GPC6: variants seen among roughly 807,000 people sequenced by gnomAD.
GPC6 encodes the protein glypican-6.
A neutral mutation model predicts 55.2 loss-of-function variants in GPC6; 14 were observed. The ratio of observed to expected loss-of-function variants is 0.25; its 90% CI spans 0.17 to 0.40. The LOEUF (loss-of-function observed/expected upper bound fraction) is 0.40. Ranked by LOEUF, GPC6 falls within the 10% of genes least tolerant of loss-of-function variation. The pLI is 1.00. For synonymous variants in GPC6, 278 were observed against 259.6 expected, an observed-to-expected ratio of 1.07 and a Z score of -0.68; for missense variants, 641 against 708.5, an observed-to-expected ratio of 0.90 and a Z score of 1.08.
At chr13:93,695,200 T>G (rs1053689491) in intron 2 of GPC6, among the ~76,000 whole-genome samples, 1 of 152,090 alleles carries the variant, frequency 6.6e-6, no homozygotes, top group Non-Finnish European at 1.5e-5. Context: ...GAGCCTCCAC[T>G]TTTTATTATA....
intron 8 of GPC6, among the ~76,000 whole-genome samples, chr13:94,401,927 A>ATGATTGATTGAT (rs60321246): frequency 6.7e-6 from 1 of 150,344 alleles, no homozygotes; most frequent in Non-Finnish European, 1.5e-5. Flanking sequence ...GCCAGACCCT[A>ATGATTGATTGAT]TGATTGATTG....
chr13:94,183,829 C>T (rs550012803), intron 4 of GPC6, among the ~76,000 whole-genome samples: 29 of 152,242 alleles, frequency 1.9e-4, no homozygotes, highest in African/African-American at 6.5e-4. Flanking sequence ...TGTCTAGTGT[C>T]TTAGTTGGTA....
intron 6 of GPC6, among the ~76,000 whole-genome samples, chr13:94,340,966 G>A (rs777238041): frequency 2.6e-5 from 4 of 152,182 alleles, no homozygotes; most frequent in Non-Finnish European, 1.5e-5. Flanking sequence ...CATCTGGAAG[G>A]CAATAGGAAA....
intron 2 of GPC6, among the ~76,000 whole-genome samples, chr13:93,625,593 G>A (rs1879167671): frequency 6.6e-6 from 1 of 152,164 alleles, no homozygotes; most frequent in African/African-American, 2.4e-5. Flanking sequence ...CTTGAAGAGA[G>A]TGAGAGATGC....
chr13:93,810,870 A>G (rs1411503), intron 2 of GPC6, among the ~76,000 whole-genome samples: 35,915 of 152,146 alleles, frequency 0.24, 4,785 homozygotes, highest in East Asian at 0.35. Flanking sequence ...TCTTACTTAC[A>G]TAGTTTTGAT....
chr13:93,609,984 C>T (rs17300472), intron 2 of GPC6, among the ~76,000 whole-genome samples: 4,135 of 152,212 alleles, frequency 0.027, 304 homozygotes, highest in East Asian at 0.27. Context: ...TTTCTAATTA[C>T]CTGTGCTCCC....
chr13:93,463,292 A>G (rs73537616), intron 1 of GPC6, among the ~76,000 whole-genome samples: 2,511 of 152,300 alleles, frequency 0.016, 81 homozygotes, highest in African/African-American at 0.057. Context: ...GAAGAAAAGA[A>G]AGAAATAACA....
intron 1 of GPC6, among the ~76,000 whole-genome samples, chr13:93,407,457 A>G (rs959204105): frequency 1.3e-5 from 2 of 152,122 alleles, no homozygotes; most frequent in Non-Finnish European, 2.9e-5. Flanking sequence ...AGTTATTATG[A>G]TAAAGTATCC....
At chr13:93,297,883 T>C (rs1440764750) in intron 1 of GPC6, among the ~76,000 whole-genome samples, 10 of 152,146 alleles carry the variant, frequency 6.6e-5, no homozygotes, top group African/African-American at 1.7e-4. Context: ...GGGGAGAGCC[T>C]TCATGGGGAG....
intron 2 of GPC6, among the ~76,000 whole-genome samples, chr13:93,560,681 G>A (rs1408855001): frequency 4.6e-5 from 7 of 151,124 alleles, no homozygotes; most frequent in Non-Finnish European, 8.8e-5. Flanking sequence ...CTGTGAAACC[G>A]CGTCTGTACT....
intron 3 of GPC6, among the ~76,000 whole-genome samples, chr13:93,920,526 C>T (rs1026594008): frequency 6.6e-6 from 1 of 152,164 alleles, no homozygotes; most frequent in Non-Finnish European, 1.5e-5. Flanking sequence ...TTCTATTTCC[C>T]CTATACTGCT....
intron 3 of GPC6, among the ~76,000 whole-genome samples, chr13:93,950,795 T>G (rs1879219844): frequency 6.6e-6 from 1 of 152,094 alleles, no homozygotes; most frequent in Non-Finnish European, 1.5e-5. Flanking sequence ...CTGGGAAATT[T>G]CTTTTTTTTT....
chr13:94,385,239 CAA>C (rs35550666), intron 7 of GPC6, among the ~76,000 whole-genome samples: 18 of 126,024 alleles, frequency 1.4e-4, no homozygotes, highest in Middle Eastern at 4.6e-3. Flanking sequence ...GACTCCATCT[CAA>C]AAAAAAAAAA....
intron 4 of GPC6, among the ~76,000 whole-genome samples, chr13:94,028,218 T>A (rs1882978304): frequency 6.6e-6 from 1 of 152,108 alleles, no homozygotes; most frequent in Admixed American, 6.5e-5. Flanking sequence ...TGAGCTGTGA[T>A]TGCGCCACTG....
intron 6 of GPC6, among the ~76,000 whole-genome samples, chr13:94,340,305 T>C (rs757959247): frequency 2.0e-5 from 3 of 152,066 alleles, no homozygotes; most frequent in Non-Finnish European, 4.4e-5. Flanking sequence ...TTGTTACCTA[T>C]GTAACTCCTC....
intron 3 of GPC6, among the ~76,000 whole-genome samples, chr13:93,852,298 C>G (rs1888434093): frequency 6.6e-6 from 1 of 151,690 alleles, no homozygotes; most frequent in Admixed American, 6.6e-5. Flanking sequence ...GAAACGCATA[C>G]TTTGTAAACT....
intron 4 of GPC6, among the ~76,000 whole-genome samples, chr13:94,030,157 C>T (rs1354867691): frequency 3.3e-5 from 5 of 151,958 alleles, no homozygotes; most frequent in African/African-American, 7.3e-5. Flanking sequence ...TACAGGCGCC[C>T]GACACCACAC....
chr13:93,678,650 C>T (rs1189975677), intron 2 of GPC6, among the ~76,000 whole-genome samples: 2 of 152,100 alleles, frequency 1.3e-5, no homozygotes, highest in East Asian at 3.9e-4. Flanking sequence ...ATTATCTTGC[C>T]TTTGTCATTG....
intron 1 of GPC6, among the ~76,000 whole-genome samples, chr13:93,268,566 G>C (rs1436247555): frequency 6.6e-6 from 1 of 152,044 alleles, no homozygotes; most frequent in Non-Finnish European, 1.5e-5. Flanking sequence ...GCTACGTAAA[G>C]ACCAATTCTC....
Sources: allele counts gnomAD v4.1 joint callset (sites outside exome capture counted in the v4.1 genomes callset), GRCh38; gene constraint gnomAD v4.1.1; transcripts MANE v1.5; gene names NCBI Gene and HGNC (gene_info 2026-07-23, HGNC 2026-07-21).